Variants in NVL observed in about 807,000 individuals in gnomAD.
NVL encodes nuclear VCP like.
Under a neutral mutation model 110.2 loss-of-function variants are expected in NVL, and 84 were observed. The ratio of observed to expected loss-of-function variants is 0.76; its 90% CI spans 0.64 to 0.91. The LOEUF (loss-of-function observed/expected upper bound fraction) is 0.91, where lower values mean the gene tolerates loss of function less well. NVL is among the 40% of genes least tolerant of loss of function. The pLI is 0.00. For missense variants in NVL, 882 were observed against 1,035.9 expected (o/e 0.85, Z 2.04); for synonymous variants, 354 against 361.1 (o/e 0.98, Z 0.22).
At chr1:224,299,429 T>C (rs2102678975) in intron 10 of NVL, among the ~76,000 whole-genome samples, 1 of 152,330 alleles carries the variant, frequency 6.6e-6, no homozygotes, top group Admixed American at 6.5e-5. Context: ...CATGCTTTAC[T>C]GGACTCATTC....
intron 19 of NVL, among the ~76,000 whole-genome samples, chr1:224,241,221 C>T (rs1470833944): frequency 6.6e-6 from 1 of 152,086 alleles, no homozygotes; most frequent in Non-Finnish European, 1.5e-5. Context: ...TCTAACTATT[C>T]TTTAATTGAA....
intron 19 of NVL, among the ~76,000 whole-genome samples, chr1:224,242,886 C>T (rs1420609222): frequency 6.9e-6 from 1 of 145,114 alleles, no homozygotes; most frequent in African/African-American, 2.6e-5. Flanking sequence ...AGTGCAACGG[C>T]GCGATCTTGG....
rs1236257353 is a variant in NVL, at chr1:224,311,842, A to G, written c.300T>C (p.Tyr100=). ...GEEDNEYTES[Y]SDDDSSMEDY... is the part of the protein sequence containing the mutation. ...CTTCCATACTTGAATCATCATCAGA[A>G]TAGCTTTCAGTATACCTCAGTAAAA... The change falls in exon 5 of 23, where the codon TAT becomes TAC. Residue 100 remains tyrosine (Y), a synonymous_variant. Transcript: ENST00000281701. 4 of 1,613,430 alleles carry G rather than the reference A, an allele frequency of 2.5e-6. No homozygotes were observed. In the Admixed American group the frequency reaches 6.7e-5, roughly 27 times the overall value.
intron 5 of NVL, among the ~76,000 whole-genome samples, chr1:224,309,190 C>T (rs1206691862): frequency 1.3e-5 from 2 of 152,002 alleles, no homozygotes; most frequent in Non-Finnish European, 2.9e-5. Flanking sequence ...TGAAAATGAG[C>T]TGGTTGCCAA....
chr1:224,235,647 AGG>A (rs1660381089), intron 20 of NVL, among the ~76,000 whole-genome samples: 2 of 152,016 alleles, frequency 1.3e-5, no homozygotes, highest in African/African-American at 2.4e-5. Flanking sequence ...AGAAAAAAAA[AGG>A]GCCGGGTGTG....
intron 2 of NVL, among the ~76,000 whole-genome samples, chr1:224,319,783 A>G (rs1190568784): frequency 2.6e-5 from 4 of 152,108 alleles, no homozygotes; most frequent in Admixed American, 2.0e-4. Flanking sequence ...ATCTGAAAAT[A>G]TATTCTTATA....
chr1:224,269,802 T>A (rs578059324), intron 17 of NVL: 14 of 151,654 alleles, frequency 9.2e-5, no homozygotes, highest in African/African-American at 3.4e-4. Context: ...AGGCTGGAAG[T>A]ACAGTGGTGA....
At chr1:224,282,850 T>C (rs543531506) in intron 15 of NVL, among the ~76,000 whole-genome samples, 1 of 152,186 alleles carries the variant, frequency 6.6e-6, no homozygotes. Flanking sequence ...CCAAGAAAAA[T>C]TGTATTATTT....
intron 15 of NVL, among the ~76,000 whole-genome samples, chr1:224,281,579 C>G (rs1000214726): frequency 4.0e-5 from 6 of 151,414 alleles, no homozygotes; most frequent in African/African-American, 1.5e-4. Flanking sequence ...GGATTACAGG[C>G]GTGAGCTACT....
chr1:224,316,784 A>T (rs1041791018), intron 4 of NVL, among the ~76,000 whole-genome samples: 3 of 152,094 alleles, frequency 2.0e-5, no homozygotes, highest in Admixed American at 6.6e-5. Context: ...TATCTTGCTT[A>T]TGGTGATAGT....
chr1:224,275,800 A>G (rs910315698), intron 16 of NVL, among the ~76,000 whole-genome samples: 3 of 152,236 alleles, frequency 2.0e-5, no homozygotes, highest in African/African-American at 7.2e-5. Context: ...CCTCGTGCAT[A>G]TAAAATATCC....
At chr1:224,233,338 C>A in intron 20 of NVL, 49 bp from the exon 21 acceptor site, 3 of 1,440,564 alleles carry the variant, frequency 2.1e-6, no homozygotes, top group South Asian at 1.4e-5. Flanking sequence ...CTGCAAAATC[C>A]CAGAAAAAAA....
At chr1:224,236,442 C>T (rs1660478731) in intron 20 of NVL, 64 bp downstream of exon 20, 2 of 1,264,734 alleles carry the variant, frequency 1.6e-6, no homozygotes, top group Non-Finnish European at 2.3e-6. Context: ...ATCATCACCC[C>T]TCATTTTATA....
chr1:224,289,757 A>T, intron 12 of NVL, 24 bp from the exon 13 acceptor site: 2 of 1,591,004 alleles, frequency 1.3e-6, no homozygotes, highest in South Asian at 2.3e-5. Context: ...AGGGGAAAAA[A>T]TTTCTGATTC....
At chr1:224,291,629 T>G (rs1170072750) in intron 12 of NVL, among the ~76,000 whole-genome samples, 2 of 152,194 alleles carry the variant, frequency 1.3e-5, no homozygotes, top group African/African-American at 4.8e-5. Context: ...TTCCAAAAGA[T>G]ACAGATCCAA....
At chr1:224,285,089 T>G (rs1327651524) in intron 15 of NVL, among the ~76,000 whole-genome samples, 1 of 152,226 alleles carries the variant, frequency 6.6e-6, no homozygotes, top group Non-Finnish European at 1.5e-5. Context: ...CAATATATAC[T>G]GACGTGAAGA....
intron 19 of NVL, among the ~76,000 whole-genome samples, chr1:224,238,554 G>A (rs1465246643): frequency 1.3e-5 from 2 of 152,208 alleles, no homozygotes; most frequent in Non-Finnish European, 2.9e-5. Context: ...AAATGGACAT[G>A]TTATCTACCA....
At chr1:224,281,255 G>A (rs1049669922) in intron 15 of NVL, 70 bp from the exon 16 acceptor site, 14 of 1,243,408 alleles carry the variant, frequency 1.1e-5, no homozygotes, top group Non-Finnish European at 1.5e-5. Context: ...TAATGATGAT[G>A]ATGTGTGACA....
At chr1:224,235,195 T>C (rs1452249883) in intron 20 of NVL, among the ~76,000 whole-genome samples, 1 of 152,016 alleles carries the variant, frequency 6.6e-6, no homozygotes, top group Non-Finnish European at 1.5e-5. Flanking sequence ...TGAGATGGAG[T>C]GTCGCTCTGT....
Sources: gnomAD v4.1 joint callset for allele counts (sites outside exome capture counted in the v4.1 genomes callset) on GRCh38, gnomAD v4.1.1 for gene constraint, MANE v1.5 for transcripts, NCBI Gene and HGNC (gene_info 2026-07-23, HGNC 2026-07-21) for gene names.